Variants in C14orf39 observed in about 807,000 individuals in gnomAD.
C14orf39 encodes protein SIX6OS1.
In C14orf39, 66 loss-of-function variants were observed where a neutral mutation model predicts 85.6. The ratio of observed to expected loss-of-function variants is 0.77; its 90% CI spans 0.63 to 0.95. The LOEUF is 0.95. C14orf39 is among the 40% of genes least tolerant of loss of function. C14orf39 has a pLI of 0.00. For missense variants in C14orf39, 735 were observed against 663.9 expected (o/e 1.11, Z -1.18); for synonymous variants, 242 against 214.0 (o/e 1.13, Z -1.14).
intron 16 of C14orf39, among the ~76,000 whole-genome samples, chr14:60,448,691 A>G (rs151137958): frequency 7.4e-4 from 112 of 152,348 alleles, no homozygotes; most frequent in African/African-American, 2.2e-3. Flanking sequence ...GTATATACCC[A>G]AAGGATTATA....
upstream of C14orf39, among the ~76,000 whole-genome samples, chr14:60,487,399 T>G (rs1249575420): frequency 6.6e-6 from 1 of 152,122 alleles, no homozygotes; most frequent in East Asian, 1.9e-4. Flanking sequence ...GTGCCTGACT[T>G]ACTTCAATTA....
chr14:60,496,355 G>A, intron 2 of C14orf39: 2 of 347,170 alleles, frequency 5.8e-6, no homozygotes, highest in Non-Finnish European at 5.7e-6. Flanking sequence ...AGTCACATTT[G>A]TGTTGGCCAC....
chr14:60,436,865 T>A lies in C14orf39; in HGVS notation c.1744A>T (p.Thr582Ser). 6.2e-7 allele frequency: 1 copy of A among 1,609,476 alleles called. No homozygotes were observed. The highest frequency in any genetic ancestry group is 1.1e-5 in the South Asian group (1 of 90,732). The change falls in exon 18 of 18, where the codon ACA (threonine) becomes TCA (serine). Residue 582 changes from threonine to serine, a missense_variant. By Grantham distance (58) the Thr-to-Ser change is moderately conservative. Transcript: ENST00000321731. ...KGFSSSSQNTTQFTFF is the reference protein window; with the variant it reads ...KGFSSSSQNTSQFTFF ...CTAGCTCAAAAAAAAGTAAACTGTG[T>A]TGTATTTTGTGAGGAAGATGAAAAA...
chr14:60,477,695 C>T (rs564710375), intron 5 of C14orf39, among the ~76,000 whole-genome samples: 2 of 152,236 alleles, frequency 1.3e-5, no homozygotes, highest in South Asian at 2.1e-4. Context: ...AACTATTCCC[C>T]GAGATGTTTG....
chr14:60,448,027 T>G lies in C14orf39; in HGVS notation c.1504-5896A>C, dbSNP rs145040757. Among the ~76,000 whole-genome samples, 967 of 152,288 alleles carry G rather than the reference T, an allele frequency of 6.3e-3. 8 individuals are homozygous for G. The highest frequency in any genetic ancestry group is 0.021 in the African/African-American group (877 of 41,562). ...GAAACTGGATCCCTTCCTTACATCT[T>G]ATACAAAAATTAACTCAAGATGGAT... On this transcript the variant is annotated intron_variant, in intron 16 of 17. Coordinates refer to ENST00000321731, the MANE Select transcript of C14orf39 (RefSeq NM_174978.3).
chr14:60,504,064 A>C (rs1276204273), intron 1 of C14orf39, among the ~76,000 whole-genome samples: 3 of 152,222 alleles, frequency 2.0e-5, no homozygotes, highest in African/African-American at 7.2e-5. Flanking sequence ...ACTAGATGCC[A>C]ACTGAGACTA....
chr14:60,437,293 G>A (rs1265550532), intron 17 of C14orf39, among the ~76,000 whole-genome samples: 2 of 151,888 alleles, frequency 1.3e-5, no homozygotes, highest in Non-Finnish European at 1.5e-5. Context: ...TAAAGAACTA[G>A]TATAAAAAGT....
chr14:60,462,671 A>G (rs1385495344), intron 11 of C14orf39, among the ~76,000 whole-genome samples: 1 of 152,080 alleles, frequency 6.6e-6, no homozygotes, highest in East Asian at 1.9e-4. Flanking sequence ...TATGCTTTAA[A>G]CCAAGCTTGT....
intron 5 of C14orf39, among the ~76,000 whole-genome samples, chr14:60,475,919 A>G (rs1892352678): frequency 6.6e-6 from 1 of 152,038 alleles, no homozygotes; most frequent in South Asian, 2.1e-4. Flanking sequence ...TCTATGGGGG[A>G]GTTTCTTAAA....
intron 2 of C14orf39, among the ~76,000 whole-genome samples, chr14:60,498,095 T>C (rs1252371934): frequency 2.2e-5 from 3 of 133,994 alleles, no homozygotes; most frequent in African/African-American, 8.0e-5. Flanking sequence ...GTCAATTAAA[T>C]TTTCTTTGTT....
intron 11 of C14orf39, among the ~76,000 whole-genome samples, chr14:60,462,353 C>T (rs1368164795): frequency 1.3e-5 from 2 of 152,146 alleles, no homozygotes; most frequent in Non-Finnish European, 2.9e-5. Context: ...CGCGCCACTA[C>T]ACTCCAACCT....
At chr14:60,451,840 A>G (rs554377584) in intron 16 of C14orf39, among the ~76,000 whole-genome samples, 4 of 152,112 alleles carry the variant, frequency 2.6e-5, no homozygotes, top group Non-Finnish European at 5.9e-5. Flanking sequence ...GTATAATAAA[A>G]ATAGAGAAAT....
At chr14:60,450,076 A>T (rs929756128) in intron 16 of C14orf39, among the ~76,000 whole-genome samples, 8 of 152,234 alleles carry the variant, frequency 5.3e-5, no homozygotes, top group African/African-American at 1.7e-4. Context: ...TGCTGGCTTC[A>T]GTTGTGACCC....
chr14:60,471,755 G>T lies in C14orf39; in HGVS notation c.324-16C>A, dbSNP rs746267888. 1.4e-6 allele frequency: 2 copies of T among 1,416,680 alleles called. No individual in the cohort carries two copies. The highest frequency in any genetic ancestry group is 1.3e-5 in the South Asian group (1 of 75,170). The allele number at this position is 1,416,680 out of a possible 1,614,324, so 87.8% of individuals were successfully genotyped here. On this transcript the variant is annotated splice_polypyrimidine_tract_variant and intron_variant, in intron 5 of 17. Coordinates refer to ENST00000321731, the MANE Select transcript of C14orf39 (RefSeq NM_174978.3). The stretch of plus-strand genomic sequence containing the variant: ...ATACATTTCTCTGTTAAAATTAAAA[G>T]AAATGATGTTTATATAACAACAACA...
At chr14:60,505,837 T>C (rs1271285355) in intron 1 of C14orf39, among the ~76,000 whole-genome samples, 3 of 152,164 alleles carry the variant, frequency 2.0e-5, no homozygotes, top group South Asian at 2.1e-4. Context: ...CTCTGGCAAA[T>C]GTGAGCAGGG....
At chr14:60,444,473 A>T (rs1890669240) in intron 16 of C14orf39, among the ~76,000 whole-genome samples, 1 of 152,234 alleles carries the variant, frequency 6.6e-6, no homozygotes, top group South Asian at 2.1e-4. Context: ...AAATTAATGA[A>T]ATAAAGCAAG....
intron 13 of C14orf39, 150 bp downstream of exon 13, chr14:60,461,204 T>A (rs539648151): frequency 1.7e-6 from 1 of 588,542 alleles, no homozygotes; most frequent in South Asian, 2.6e-5. Context: ...GTATTTGTTC[T>A]ATATTTAGGG....
rs1419616552 is a variant in C14orf39 at position 60,468,509 on chromosome 14, C to A, written c.703G>T (p.Ala235Ser). The A allele has an allele frequency of 1.9e-6, 3 of 1,591,654 alleles. No individual in the cohort carries two copies. Among genetic ancestry groups the A allele is most frequent in the Admixed American group, 1.7e-5 (1 of 57,990 alleles). The change falls in exon 9 of 18, where the codon GCT becomes TCT. Residue 235 changes from alanine (A) to serine (S), a missense_variant. Ala to Ser is a moderately conservative substitution (Grantham distance 99). Coordinates refer to ENST00000321731, the MANE Select transcript of C14orf39 (RefSeq NM_174978.3). Reference protein sequence around the residue: ...QQISRHNETKALSETLEEKNK... With the variant: ...QQISRHNETKSLSETLEEKNK... ...TTTTCTTCCAGAGTTTCTGAAAGAG[C>A]CTTAGTTTCATTATGCCTAGATATC...
intron 16 of C14orf39, among the ~76,000 whole-genome samples, chr14:60,452,500 A>C (rs1035291113): frequency 1.3e-5 from 2 of 150,668 alleles, no homozygotes; most frequent in Non-Finnish European, 3.0e-5. Flanking sequence ...AGGCTGGGAA[A>C]GGTTGGGGGC....
Sources: gnomAD v4.1 joint callset for allele counts (sites outside exome capture counted in the v4.1 genomes callset) on GRCh38, gnomAD v4.1.1 for gene constraint, MANE v1.5 for transcripts, NCBI Gene and HGNC (gene_info 2026-07-23, HGNC 2026-07-21) for gene names.